The following NOX4 variants were observed in gnomAD, a reference collection of about 807,000 sequenced individuals.
The protein encoded by NOX4 is NADPH oxidase 4.
NOX4 carries 69 observed loss-of-function variants against 87.6 expected under a neutral mutation model. The observed-to-expected ratio is 0.79, with a 90% confidence interval of 0.65 to 0.96. The LOEUF (loss-of-function observed/expected upper bound fraction) is 0.96. NOX4 is among the 40% of genes least tolerant of loss of function. The probability of loss-of-function intolerance (pLI) is 0.00; values close to 1 mark genes in which losing one functional copy is unlikely to be tolerated. For synonymous variants in NOX4, 275 were observed against 238.2 expected (o/e 1.15, Z -1.42); for missense variants, 680 against 681.5 (o/e 1.00, Z 0.02).
At chr11:89,345,951 A>G in intron 13 of NOX4, among the ~76,000 whole-genome samples, 1 of 152,178 alleles carries the variant, frequency 6.6e-6, no homozygotes, top group East Asian at 1.9e-4. Context: ...AGCCAGAGCA[A>G]TCAAGTAGGA....
At chr11:89,512,334 A>G in the NOX4 span, among the ~76,000 whole-genome samples, 48 of 152,208 alleles carry the variant, frequency 3.2e-4, no homozygotes, top group African/African-American at 1.1e-3. Context: ...ATACAATATT[A>G]TTAACTGTAA....
At position 89,467,461 on chromosome 11, in the gene NOX4, A is replaced by G. The variant is rs546118238; in HGVS notation, c.154-15566T>C. 2.2e-4 allele frequency among the ~76,000 whole-genome samples: 33 copies of G among 152,008 alleles called. No individual in the cohort carries two copies. In the South Asian group the frequency reaches 6.8e-3, roughly 32 times the overall value. ...TGGATGCTTTAAGAAAATACCATAA[A>G]CTGTGTGGCTTATAAACAACAAACA... On this transcript the variant is annotated intron_variant, in intron 2 of 17. Transcript: ENST00000263317.
At chr11:89,338,123 G>A (rs1170287773) in intron 15 of NOX4, among the ~76,000 whole-genome samples, 3 of 151,982 alleles carry the variant, frequency 2.0e-5, no homozygotes, top group Admixed American at 6.6e-5. Flanking sequence ...CAACCTGAGA[G>A]GATTTTACTG....
At chr11:89,589,435 C>G in the NOX4 span, 4 of 152,300 alleles carry the variant, frequency 2.6e-5, no homozygotes, top group East Asian at 3.9e-4. Context: ...AAGAGATTTG[C>G]TTACATTTTT....
intron 11 of NOX4, among the ~76,000 whole-genome samples, chr11:89,374,379 A>G (rs1375927375): frequency 6.6e-6 from 1 of 152,166 alleles, no homozygotes; most frequent in Non-Finnish European, 1.5e-5. Flanking sequence ...GATATGAAAT[A>G]TGCATACCTT....
chr11:89,375,796 C>T (rs1038523499), intron 11 of NOX4, among the ~76,000 whole-genome samples: 1 of 152,146 alleles, frequency 6.6e-6, no homozygotes, highest in Non-Finnish European at 1.5e-5. Flanking sequence ...AGCTACCAAT[C>T]CGATTGTCCA....
At chr11:89,512,720 C>T in the NOX4 span, among the ~76,000 whole-genome samples, 18,669 of 152,038 alleles carry the variant, frequency 0.12, 1,474 homozygotes, top group Admixed American at 0.24. Flanking sequence ...AATAATGCTG[C>T]GATTAATCTT....
chr11:89,405,065 T>G (rs1006062970), intron 8 of NOX4, among the ~76,000 whole-genome samples: 8 of 145,816 alleles, frequency 5.5e-5, no homozygotes, highest in Non-Finnish European at 1.0e-4. Flanking sequence ...GGGTTCAAAA[T>G]AAACAAAAGT....
intron 12 of NOX4, among the ~76,000 whole-genome samples, chr11:89,370,190 C>A (rs1939337385): frequency 2.0e-5 from 3 of 151,880 alleles, no homozygotes; most frequent in Non-Finnish European, 4.4e-5. Context: ...TAAAAGATAA[C>A]CATATCTTCT....
intron 13 of NOX4, among the ~76,000 whole-genome samples, chr11:89,347,362 C>G (rs569598855): frequency 1.3e-5 from 2 of 152,174 alleles, no homozygotes; most frequent in African/African-American, 4.8e-5. Context: ...TGCCCTGAGG[C>G]AAGCAATTGC....
chr11:89,404,462 A>ATCTGT (rs1409250043), intron 8 of NOX4, among the ~76,000 whole-genome samples: 1 of 152,174 alleles, frequency 6.6e-6, no homozygotes, highest in East Asian at 1.9e-4. Flanking sequence ...AGCTGAACAT[A>ATCTGT]AATCAGACTA....
chr11:89,555,982 A>G, the NOX4 span, among the ~76,000 whole-genome samples: 4 of 152,158 alleles, frequency 2.6e-5, no homozygotes, highest in African/African-American at 4.8e-5. Context: ...TTGCTAATTT[A>G]TAGGACTTAA....
intron 13 of NOX4, among the ~76,000 whole-genome samples, chr11:89,346,904 C>T (rs929423206): frequency 6.6e-6 from 1 of 152,152 alleles, no homozygotes; most frequent in African/African-American, 2.4e-5. Flanking sequence ...GGATCCACTA[C>T]CTGCTGATAG....
At chr11:89,411,196 C>A (rs1300222183) in intron 8 of NOX4, among the ~76,000 whole-genome samples, 1 of 152,110 alleles carries the variant, frequency 6.6e-6, no homozygotes, top group African/African-American at 2.4e-5. Flanking sequence ...ACTAAAGAGC[C>A]ATTGGCCCTT....
At chr11:89,571,371 A>G in the NOX4 span, among the ~76,000 whole-genome samples, 1 of 150,430 alleles carries the variant, frequency 6.6e-6, no homozygotes, top group Non-Finnish European at 1.5e-5. Context: ...ATGTCGACTC[A>G]CTCCAACCTC....
chr11:89,382,651 G>C (rs1355757957), intron 11 of NOX4, among the ~76,000 whole-genome samples: 4 of 151,666 alleles, frequency 2.6e-5, no homozygotes, highest in Non-Finnish European at 5.9e-5. Flanking sequence ...TCCTCCTCAG[G>C]TCACTCCCTG....
At chr11:89,480,565 A>G (rs1946352470) in intron 2 of NOX4, among the ~76,000 whole-genome samples, 1 of 152,146 alleles carries the variant, frequency 6.6e-6, no homozygotes, top group Non-Finnish European at 1.5e-5. Context: ...AGGAAAGAAG[A>G]CGACTGACAT....
the NOX4 span, among the ~76,000 whole-genome samples, chr11:89,531,706 C>T: frequency 6.6e-6 from 1 of 152,210 alleles, no homozygotes; most frequent in African/African-American, 2.4e-5. Flanking sequence ...CAAGACATGC[C>T]TTGCTTCCTC....
chr11:89,373,277 CAAAAAA>C (rs144113376), intron 12 of NOX4, among the ~76,000 whole-genome samples, 149 bp downstream of exon 12: 1 of 59,100 alleles, frequency 1.7e-5, no homozygotes, highest in African/African-American at 5.2e-5. Context: ...ACTGTACAAG[CAAAAAA>C]AAAAAAAAAA....
Sources: allele counts gnomAD v4.1 joint callset (sites outside exome capture counted in the v4.1 genomes callset), GRCh38; gene constraint gnomAD v4.1.1; transcripts MANE v1.5; gene names NCBI Gene and HGNC (gene_info 2026-07-23, HGNC 2026-07-21).